Variants in FOXP2 observed in about 807,000 individuals in gnomAD.
FOXP2 encodes the protein forkhead box P2, also known as forkhead box protein P2.
In FOXP2, 12 loss-of-function variants were observed where a neutral mutation model predicts 115.8. The observed-to-expected ratio is 0.10, with a 90% CI of 0.07 to 0.17. The LOEUF is 0.17. Among genes scored for constraint, FOXP2 ranks in the 10% least tolerant of loss-of-function variants. The pLI, the probability that FOXP2 is intolerant of heterozygous loss-of-function variation, is 1.00. For missense variants in FOXP2, 629 were observed against 843.5 expected (o/e 0.75, Z 3.15); for synonymous variants, 328 against 297.7 (o/e 1.10, Z -1.05).
At position 114,313,669 on chromosome 7, in the gene FOXP2, C is replaced by T. The variant is rs1422608031; in HGVS notation, c.-11+25560C>T. ...CTGAGGCAGGAGAATGGCGTGAACC[C>T]GGGAGGCGGAGCTTGCAGTGAGCCG... On this transcript the variant is annotated intron_variant, in intron 2 of 17. Transcript: ENST00000634411. Among the ~76,000 whole-genome samples, 43 of 54,750 alleles carry T rather than the reference C, an allele frequency of 7.9e-4. 7 individuals carry two copies. Among genetic ancestry groups the T allele is most frequent in the African/African-American group, 2.4e-3 (9 of 3,688 alleles). The allele number at this position is 54,750 out of a possible 152,430, so 35.9% of individuals were successfully genotyped here.
At chr7:114,334,982 CTTGT>C (rs1328273245) in intron 2 of FOXP2, among the ~76,000 whole-genome samples, 2 of 132,752 alleles carry the variant, frequency 1.5e-5, no homozygotes, top group South Asian at 4.9e-4. Context: ...TGACTTCATA[CTTGT>C]TTATCTTTCA....
intron 2 of FOXP2, among the ~76,000 whole-genome samples, chr7:114,357,843 A>G (rs1253891118): frequency 6.6e-6 from 1 of 152,150 alleles, no homozygotes; most frequent in East Asian, 1.9e-4. Context: ...TCATTAGTCT[A>G]AGAGTAATAC....
At chr7:114,297,262 C>T (rs1005131094) in intron 2 of FOXP2, 16 of 485,544 alleles carry the variant, frequency 3.3e-5, no homozygotes, top group South Asian at 1.2e-4. Flanking sequence ...CTCCATGGCG[C>T]GCAGCTCCTA....
rs869055954 is a variant in FOXP2, at chr7:114,642,779, AATATATATATAT to A, written c.989+179_989+190del. Among the ~76,000 whole-genome samples, 254 of 91,054 alleles carry A rather than the reference AATATATATATAT, an allele frequency of 2.8e-3. 26 individuals carry two copies. Among genetic ancestry groups the A allele is most frequent in the Middle Eastern group, 0.014 (2 of 148 alleles). 59.7% of individuals were successfully genotyped at this position (91,054 alleles called of 152,430 possible). A position where few individuals can be genotyped will look rare whatever the true frequency, so the allele number is the denominator to read the frequency against. On this transcript the variant is annotated intron_variant, in intron 7 of 16. Coordinates refer to ENST00000350908, the MANE Select transcript of FOXP2 (RefSeq NM_014491.4). ...AGATTATTTATCTTATTTTATATAT[AATATATATATAT>A]ATATATATATATATATATATATTTT... is the stretch of plus-strand genomic sequence containing the variant.
intron 2 of FOXP2, among the ~76,000 whole-genome samples, chr7:114,396,513 A>C (rs1358395196): frequency 6.6e-6 from 1 of 152,130 alleles, no homozygotes; most frequent in African/African-American, 2.4e-5. Flanking sequence ...TATATATCCA[A>C]GTAATGGGAT....
intron 2 of FOXP2, among the ~76,000 whole-genome samples, chr7:114,499,981 C>T (rs1365285029): frequency 1.3e-5 from 2 of 151,832 alleles, no homozygotes; most frequent in Non-Finnish European, 2.9e-5. Context: ...TTTGGGAGGC[C>T]GAGGTGGGTG....
rs1794227906 is a variant in FOXP2, at chr7:114,207,457, C to A, written c.-102+44369C>A. Reference sequence around the variant, plus strand: ...GGGTATGAAGTGATATTTCATTATGCTTTTTATTTTCATTTCATAAATACA... The same window carrying A: ...GGGTATGAAGTGATATTTCATTATGATTTTTATTTTCATTTCATAAATACA... On this transcript the variant is annotated intron_variant, in intron 1 of 17. Coordinates refer to the FOXP2 transcript ENST00000634411. Among the ~76,000 whole-genome samples the A allele has an allele frequency of 5.3e-5, 8 of 152,176 alleles. No homozygotes were observed. In the South Asian group the frequency reaches 1.5e-3, roughly 28 times the overall value.
chr7:114,225,471 G>A (rs1248913053), intron 1 of FOXP2, among the ~76,000 whole-genome samples: 2 of 151,898 alleles, frequency 1.3e-5, no homozygotes, highest in Non-Finnish European at 2.9e-5. Context: ...TAGAGGCAGG[G>A]TCTTTCTCCA....
At chr7:114,218,512 A>T (rs1584553524) in intron 1 of FOXP2, among the ~76,000 whole-genome samples, 1 of 152,206 alleles carries the variant, frequency 6.6e-6, no homozygotes, top group Non-Finnish European at 1.5e-5. Flanking sequence ...TAATAGTTTT[A>T]CACAGTGGGA....
chr7:114,507,049 C>T (rs1463264555), intron 2 of FOXP2, among the ~76,000 whole-genome samples: 1 of 151,330 alleles, frequency 6.6e-6, no homozygotes, highest in Non-Finnish European at 1.5e-5. Context: ...CTTTAATAAC[C>T]ACTCATCTCT....
intron 2 of FOXP2, among the ~76,000 whole-genome samples, chr7:114,427,505 T>C (rs1793913321): frequency 6.6e-6 from 1 of 151,594 alleles, no homozygotes; most frequent in Non-Finnish European, 1.5e-5. Context: ...AAGCATATAC[T>C]TATATTAGGC....
intron 2 of FOXP2, among the ~76,000 whole-genome samples, chr7:114,326,256 CA>C (rs980494576): frequency 6.6e-6 from 1 of 151,984 alleles, no homozygotes; most frequent in Non-Finnish European, 1.5e-5. Flanking sequence ...TACTCTTCAG[CA>C]AGAACATAAG....
Position 114,690,343 on chromosome 7 carries a change from G to A in FOXP2, c.*417G>A. On this transcript the variant is annotated 3_prime_UTR_variant, in exon 17 of 17. Coordinates refer to ENST00000350908, the MANE Select transcript of FOXP2 (RefSeq NM_014491.4). ...TAGTTTCATTAATGTGAATTTTCCA[G>A]CATTCAGTAGTTGTAATGTTAGAAA... 1 of 454,306 alleles carries A rather than the reference G, an allele frequency of 2.2e-6. No individual in the cohort carries two copies. The highest frequency in any genetic ancestry group is 4.4e-6 in the Non-Finnish European group (1 of 227,026). 28.1% of individuals were successfully genotyped at this position (454,306 alleles called of 1,614,324 possible).
At chr7:114,684,510 G>T (rs1371472798) in intron 16 of FOXP2, among the ~76,000 whole-genome samples, 8 of 152,194 alleles carry the variant, frequency 5.3e-5, no homozygotes, top group Non-Finnish European at 1.5e-5. Context: ...TGGCTTGACA[G>T]TAACTCAATA....
At chr7:114,547,316 A>G (rs1799973277) in intron 3 of FOXP2, among the ~76,000 whole-genome samples, 1 of 152,212 alleles carries the variant, frequency 6.6e-6, no homozygotes, top group Admixed American at 6.5e-5. Context: ...TTTGCTTACA[A>G]TAAATCCCTT....
chr7:114,557,478 T>A, intron 3 of FOXP2, among the ~76,000 whole-genome samples: 1 of 151,064 alleles, frequency 6.6e-6, no homozygotes, highest in East Asian at 1.9e-4. Flanking sequence ...GCAATATTCA[T>A]GTTAAATATA....
intron 2 of FOXP2, among the ~76,000 whole-genome samples, chr7:114,501,262 G>A (rs1797556091): frequency 1.3e-5 from 2 of 152,000 alleles, no homozygotes; most frequent in South Asian, 4.1e-4. Flanking sequence ...GTTACGCCAA[G>A]CCTGTATATT....
At chr7:114,384,954 G>A (rs1018478442) in intron 2 of FOXP2, among the ~76,000 whole-genome samples, 2 of 151,606 alleles carry the variant, frequency 1.3e-5, no homozygotes, top group African/African-American at 4.8e-5. Context: ...AATTTACCCT[G>A]ACTTTTAAAG....
At chr7:114,592,772 A>T (rs1005618274) in intron 3 of FOXP2, among the ~76,000 whole-genome samples, 8 of 152,056 alleles carry the variant, frequency 5.3e-5, no homozygotes, top group African/African-American at 9.7e-5. Context: ...GCATTCAATT[A>T]TGTTTAAAAT....
Sources: allele counts gnomAD v4.1 joint callset (sites outside exome capture counted in the v4.1 genomes callset), GRCh38; gene constraint gnomAD v4.1.1; transcripts MANE v1.5; gene names NCBI Gene and HGNC (gene_info 2026-07-23, HGNC 2026-07-21).